KAZN: variants seen among roughly 807,000 people sequenced by gnomAD.
KAZN encodes kazrin, periplakin interacting protein, also known as kazrin.
A neutral mutation model predicts 87.4 loss-of-function variants in KAZN; 40 were observed. The observed-to-expected ratio is 0.46, with a 90% CI of 0.36 to 0.60. The LOEUF (loss-of-function observed/expected upper bound fraction) is 0.60. Ranked by LOEUF, KAZN falls within the 20% of genes least tolerant of loss-of-function variation. The probability of loss-of-function intolerance (pLI) is 0.00; values close to 1 mark genes in which losing one functional copy is unlikely to be tolerated. For missense variants in KAZN, 898 were observed against 1,073.9 expected, an observed-to-expected ratio of 0.84 and a Z score of 2.29; for synonymous variants, 466 against 458.3, an observed-to-expected ratio of 1.02 and a Z score of -0.22.
Position 13,989,892 on chromosome 1 carries a change from G to T in KAZN, c.91+96136G>T, listed in dbSNP as rs368506726. On this transcript the variant is annotated intron_variant, in intron 1 of 16. Transcript: ENST00000636203. ...GTCTTCCATCCTTGAAGAAGACCTGGCAACACTGAGCTAGATGCCATGGCC... is the reference window on the plus strand; with the variant it reads ...GTCTTCCATCCTTGAAGAAGACCTGTCAACACTGAGCTAGATGCCATGGCC... Among the ~76,000 whole-genome samples the T allele has an allele frequency of 2.0e-4, 31 of 152,148 alleles. 1 individual carries two copies. Among genetic ancestry groups the T allele is most frequent in the Admixed American group, 7.2e-4 (11 of 15,268 alleles).
chr1:14,601,884 C>G (rs1326706916), intron 1 of KAZN, among the ~76,000 whole-genome samples: 1 of 152,200 alleles, frequency 6.6e-6, no homozygotes, highest in African/African-American at 2.4e-5. Flanking sequence ...GGGCATTATG[C>G]ACATATTAAA....
At chr1:14,034,135 C>T (rs1570577170) in intron 1 of KAZN, among the ~76,000 whole-genome samples, 1 of 152,276 alleles carries the variant, frequency 6.6e-6, no homozygotes, top group Non-Finnish European at 1.5e-5. Context: ...ATAAATGTTC[C>T]TTTTTACCTT....
At chr1:13,960,269 ATCCCAT>A (rs1641700640) in intron 1 of KAZN, among the ~76,000 whole-genome samples, 1 of 152,228 alleles carries the variant, frequency 6.6e-6, no homozygotes, top group South Asian at 2.1e-4. Flanking sequence ...CACTATCATT[ATCCCAT>A]TTTGTAGAAG....
chr1:14,924,659 C>A, intron 1 of KAZN: 2 of 779,836 alleles, frequency 2.6e-6, no homozygotes, highest in Non-Finnish European at 3.1e-6. Context: ...GCGCTCGGAG[C>A]CGGGATCGGG....
intron 2 of KAZN, among the ~76,000 whole-genome samples, chr1:14,555,135 G>T (rs1261760715): frequency 6.6e-6 from 1 of 152,192 alleles, no homozygotes; most frequent in Non-Finnish European, 1.5e-5. Flanking sequence ...TTACCCCAAG[G>T]ATGGAAGTCC....
chr1:14,834,002 C>CACACACAT lies in KAZN; in HGVS notation c.227-126674_227-126667dup, dbSNP rs151052677. On this transcript the variant is annotated intron_variant, in intron 1 of 14. Coordinates refer to ENST00000376030, the MANE Select transcript of KAZN (RefSeq NM_201628.3). ...ACACACACACACACACACACACACA[C>CACACACAT]ACACACATACACACACATACATACA... is the stretch of plus-strand genomic sequence containing the variant. Among the ~76,000 whole-genome samples the CACACACAT allele has an allele frequency of 5.7e-3, 812 of 142,430 alleles. 6 individuals carry two copies. The highest frequency in any genetic ancestry group is 9.8e-3 in the Non-Finnish European group (612 of 62,442). The allele number at this position is 142,430 out of a possible 152,430, so 93.4% of individuals were successfully genotyped here. A position where few individuals can be genotyped will look rare whatever the true frequency, so the allele number is the denominator to read the frequency against.
chr1:14,362,483 C>A (rs1571396626), intron 2 of KAZN, among the ~76,000 whole-genome samples: 1 of 152,146 alleles, frequency 6.6e-6, no homozygotes, highest in African/African-American at 2.4e-5. Flanking sequence ...TTGTTAGTAG[C>A]AAGCCACAGG....
intron 1 of KAZN, among the ~76,000 whole-genome samples, chr1:14,138,353 G>A (rs1260015391): frequency 2.0e-5 from 3 of 152,122 alleles, no homozygotes; most frequent in Non-Finnish European, 4.4e-5. Context: ...GTCACGTCCA[G>A]ACTTGACCAC....
At chr1:14,866,504 G>C (rs538348424) in intron 1 of KAZN, among the ~76,000 whole-genome samples, 1 of 152,332 alleles carries the variant, frequency 6.6e-6, no homozygotes, top group East Asian at 1.9e-4. Context: ...CAAGGCAGGA[G>C]GAGTGTTTGA....
intron 2 of KAZN, among the ~76,000 whole-genome samples, chr1:14,520,940 A>G (rs1435818913): frequency 2.6e-5 from 4 of 152,186 alleles, no homozygotes; most frequent in Non-Finnish European, 5.9e-5. Flanking sequence ...CCCCTAAGGC[A>G]TTGTTCTATT....
chr1:14,036,006 T>C (rs1641539007), intron 1 of KAZN, among the ~76,000 whole-genome samples: 1 of 152,200 alleles, frequency 6.6e-6, no homozygotes, highest in Non-Finnish European at 1.5e-5. Context: ...TGAGAGAGTC[T>C]GAAAAGGCTT....
Position 15,094,120 on chromosome 1 carries a change from GC to G in KAZN, c.1223-57del. 1 of 1,526,966 alleles carries G rather than the reference GC, an allele frequency of 6.5e-7. No homozygotes were observed. 94.6% of individuals were successfully genotyped at this position (1,526,966 alleles called of 1,614,324 possible). A position where few individuals can be genotyped will look rare whatever the true frequency, so the allele number is the denominator to read the frequency against. On this transcript the variant is annotated intron_variant, in intron 8 of 14. Transcript: ENST00000376030. The surrounding 1 kb of genome is among the most constrained non-coding windows in gnomAD (Gnocchi z 4.5). ...CCTCTGCCTCCCGGGGGTATGGCCT[GC>G]CCAGCCCCTGCCCCCAGCAGCCTCG... is the stretch of plus-strand genomic sequence containing the variant.
rs551945150 is a variant in KAZN at position 14,820,718 on chromosome 1, G to A, written c.227-139966G>A. Among the ~76,000 whole-genome samples, 78 of 152,324 alleles carry A rather than the reference G, an allele frequency of 5.1e-4. No homozygotes were observed. The highest frequency in any genetic ancestry group is 2.1e-3 in the East Asian group (11 of 5,186). On this transcript the variant is annotated intron_variant, in intron 1 of 14. Coordinates refer to ENST00000376030, the MANE Select transcript of KAZN (RefSeq NM_201628.3). The surrounding 1 kb of genome is among the most constrained non-coding windows in gnomAD (Gnocchi z 4.1). ...CTGTCTTGAGCAGAAGGTAAAGGTA[G>A]AAGGTGCAGATTAGGTACTGGGAAT...
chr1:14,622,524 A>G (rs1678780181), intron 1 of KAZN, among the ~76,000 whole-genome samples: 1 of 151,722 alleles, frequency 6.6e-6, no homozygotes, highest in Non-Finnish European at 1.5e-5. Context: ...CCCCGTCTCT[A>G]CTAAAAATAC....
At chr1:14,635,601 G>T (rs535410490) in intron 1 of KAZN, among the ~76,000 whole-genome samples, 1 of 152,326 alleles carries the variant, frequency 6.6e-6, no homozygotes, top group East Asian at 1.9e-4. Context: ...CTCTTAGGCT[G>T]CCCCGAGCAA....
chr1:14,050,433 G>A (rs905038676), intron 1 of KAZN, among the ~76,000 whole-genome samples: 19 of 152,196 alleles, frequency 1.2e-4, no homozygotes, highest in Non-Finnish European at 2.8e-4. Flanking sequence ...CCGCATGGCT[G>A]GGGTGGCTTC....
intron 2 of KAZN, among the ~76,000 whole-genome samples, chr1:14,488,774 C>T (rs1669486204): frequency 6.6e-6 from 1 of 152,164 alleles, no homozygotes; most frequent in African/African-American, 2.4e-5. Context: ...TTTCTTCCCC[C>T]AGGGATCCTT....
chr1:14,453,444 C>T (rs1667392390), intron 2 of KAZN, among the ~76,000 whole-genome samples: 1 of 152,142 alleles, frequency 6.6e-6, no homozygotes, highest in Non-Finnish European at 1.5e-5. Context: ...ACAACAAACA[C>T]AAGGTGAATG....
At chr1:15,111,181 C>A (rs1641599525) in intron 13 of KAZN, among the ~76,000 whole-genome samples, 1 of 152,180 alleles carries the variant, frequency 6.6e-6, no homozygotes, top group East Asian at 1.9e-4. Flanking sequence ...ACACCACTCC[C>A]CTCCCTTGAA....
Sources: allele counts gnomAD v4.1 joint callset (sites outside exome capture counted in the v4.1 genomes callset), GRCh38; gene constraint gnomAD v4.1.1; non-coding constraint Gnocchi (gnomAD v3.1); transcripts MANE v1.5; gene names NCBI Gene and HGNC (gene_info 2026-07-23, HGNC 2026-07-21).